The following PAICS variants were observed in gnomAD, a reference collection of about 807,000 sequenced individuals.
PAICS encodes phosphoribosylaminoimidazole carboxylase and phosphoribosylaminoimidazolesuccinocarboxamide synthase, also known as bifunctional phosphoribosylaminoimidazole carboxylase/phosphoribosylaminoimidazole succinocarboxamide synthetase.
Under a neutral mutation model 53.7 loss-of-function variants are expected in PAICS, and 33 were observed. The observed-to-expected ratio is 0.61, with a 90% CI of 0.47 to 0.82. PAICS has a LOEUF of 0.82. Among genes scored for constraint, PAICS ranks in the 40% least tolerant of loss-of-function variants. The pLI, the probability that PAICS is intolerant of heterozygous loss-of-function variation, is 0.00. For missense variants in PAICS, 394 were observed against 494.1 expected (o/e 0.80, Z 1.92); for synonymous variants, 141 against 167.2 (o/e 0.84, Z 1.21).
chr4:56,439,382 G>A (rs530664399), intron 1 of PAICS, among the ~76,000 whole-genome samples: 2 of 152,126 alleles, frequency 1.3e-5, no homozygotes, highest in East Asian at 3.9e-4. Flanking sequence ...GATTACAGGC[G>A]TGCACCAACA....
At position 56,461,647 on chromosome 4, in the gene PAICS, G is replaced by A. The variant is rs1353390459; in HGVS notation, c.*2109G>A. The A allele has an allele frequency of 6.6e-6, 1 of 151,754 alleles. No homozygotes were observed. The highest frequency in any genetic ancestry group is 1.5e-5 in the Non-Finnish European group (1 of 67,968). 9.4% of individuals were successfully genotyped at this position (151,754 alleles called of 1,614,324 possible). On this transcript the variant is annotated 3_prime_UTR_variant, in exon 9 of 9. Coordinates refer to ENST00000512576, the MANE Select transcript of PAICS (RefSeq NM_001079524.2). ...CAAGCTGCAGCCTCTCGAGTAGCTG[G>A]GTGCATGTGCTACCACACCCAATTA...
intron 6 of PAICS, 21 bp downstream of exon 6, chr4:56,450,723 CTG>C (rs1718864865): frequency 8.9e-7 from 1 of 1,118,720 alleles, no homozygotes; most frequent in South Asian, 1.3e-5. Context: ...TATAGTAAAA[CTG>C]TATGTATTAT....
chr4:56,423,478 T>A, the PAICS span: 1 of 152,032 alleles, frequency 6.6e-6, no homozygotes, highest in African/African-American at 2.4e-5. Flanking sequence ...AATAAAATTT[T>A]AAAAAATAAG....
intron 2 of PAICS, among the ~76,000 whole-genome samples, chr4:56,445,643 A>T (rs557647896): frequency 6.6e-6 from 1 of 152,326 alleles, no homozygotes; most frequent in Non-Finnish European, 1.5e-5. Context: ...ATGAGACAAC[A>T]TATATAAGAC....
the PAICS span, among the ~76,000 whole-genome samples, chr4:56,424,144 T>C: frequency 6.6e-6 from 1 of 152,220 alleles, no homozygotes. Context: ...AACTTTGATA[T>C]CTGGCCAAAA....
chr4:56,442,343 C>G (rs1180539665), intron 2 of PAICS, among the ~76,000 whole-genome samples: 2 of 152,112 alleles, frequency 1.3e-5, no homozygotes, highest in Admixed American at 1.3e-4. Flanking sequence ...CCTGCCATTC[C>G]CCAAGTGAGA....
Position 56,461,928 on chromosome 4 carries a change from A to G in PAICS, c.*2390A>G, listed in dbSNP as rs1424792619. ...TTGCTGTTAAGCTTTCTGAGATTTAACCACTGAAACTAAGTAAAAGACAAA... is the reference window on the plus strand; with the variant it reads ...TTGCTGTTAAGCTTTCTGAGATTTAGCCACTGAAACTAAGTAAAAGACAAA... On this transcript the variant is annotated 3_prime_UTR_variant, in exon 9 of 9. Coordinates refer to ENST00000512576, the MANE Select transcript of PAICS (RefSeq NM_001079524.2). The G allele has an allele frequency of 6.6e-6, 1 of 152,198 alleles. No homozygotes were observed. The highest frequency in any genetic ancestry group is 1.5e-5 in the Non-Finnish European group (1 of 68,036). 9.4% of individuals were successfully genotyped at this position (152,198 alleles called of 1,614,324 possible). A position where few individuals can be genotyped will look rare whatever the true frequency, so the allele number is the denominator to read the frequency against.
upstream of PAICS, among the ~76,000 whole-genome samples, chr4:56,433,099 A>G (rs1717688529): frequency 6.6e-6 from 1 of 151,844 alleles, no homozygotes; most frequent in Non-Finnish European, 1.5e-5. Flanking sequence ...TTTCCAAGAC[A>G]TAAGGGAGTG....
upstream of PAICS, among the ~76,000 whole-genome samples, chr4:56,432,325 C>G (rs1578139304): frequency 6.6e-6 from 1 of 151,954 alleles, no homozygotes; most frequent in African/African-American, 2.4e-5. Flanking sequence ...GCCAGGAGTT[C>G]AAGACCAGCC....
At chr4:56,425,124 G>T in the PAICS span, among the ~76,000 whole-genome samples, 2 of 152,052 alleles carry the variant, frequency 1.3e-5, no homozygotes, top group Non-Finnish European at 2.9e-5. Context: ...GCCAGCAGGG[G>T]GCATTAAGGA....
At chr4:56,451,369 GT>G (rs1164190874) in intron 6 of PAICS, among the ~76,000 whole-genome samples, 8 of 152,092 alleles carry the variant, frequency 5.3e-5, no homozygotes, top group Non-Finnish European at 8.8e-5. Flanking sequence ...ATTCCTTTAA[GT>G]TTTATGGTAT....
intron 6 of PAICS, 77 bp downstream of exon 6, chr4:56,450,779 T>C (rs1168239079): frequency 5.3e-6 from 4 of 752,532 alleles, no homozygotes; most frequent in Non-Finnish European, 9.3e-6. Context: ...GAAAAAAAAA[T>C]GGGAGAGTAT....
chr4:56,440,592 A>C (rs1560657520), intron 1 of PAICS, among the ~76,000 whole-genome samples: 2 of 152,142 alleles, frequency 1.3e-5, no homozygotes, highest in Non-Finnish European at 2.9e-5. Context: ...TTTATTCATC[A>C]ACACTACCTA....
rs1056749088 is a variant in PAICS at position 56,461,975 on chromosome 4, C to T, written c.*2437C>T. 6.6e-6 allele frequency: 1 copy of T among 152,186 alleles called. No individual in the cohort carries two copies. The highest frequency in any genetic ancestry group is 2.4e-5 in the African/African-American group (1 of 41,444). 9.4% of individuals were successfully genotyped at this position (152,186 alleles called of 1,614,324 possible). On this transcript the variant is annotated 3_prime_UTR_variant, in exon 9 of 9. Coordinates refer to ENST00000512576, the MANE Select transcript of PAICS (RefSeq NM_001079524.2). Reference sequence around the variant, plus strand: ...CAAAGCACTTAGGTAAAGCTTCATTCAGTATCCATTCACCCAATACTGGTT... The same window carrying T: ...CAAAGCACTTAGGTAAAGCTTCATTTAGTATCCATTCACCCAATACTGGTT...
At chr4:56,438,322 A>G (rs1718126959) in intron 1 of PAICS, among the ~76,000 whole-genome samples, 1 of 148,500 alleles carries the variant, frequency 6.7e-6, no homozygotes, top group South Asian at 2.1e-4. Flanking sequence ...TGTCTTCTAT[A>G]AGCCACATTT....
chr4:56,442,884 C>T (rs1040631083), intron 2 of PAICS, among the ~76,000 whole-genome samples: 6 of 152,102 alleles, frequency 3.9e-5, no homozygotes, highest in South Asian at 2.1e-4. Context: ...GCATTCTTGG[C>T]GTAGTTTTGT....
At position 56,459,810 on chromosome 4, in the gene PAICS, T is replaced by C. The variant is rs1203324965; in HGVS notation, c.*272T>C. On this transcript the variant is annotated 3_prime_UTR_variant, in exon 9 of 9. Coordinates refer to ENST00000512576, the MANE Select transcript of PAICS (RefSeq NM_001079524.2). ...TTGGTGGTCACTACTATTGAGTTTC[T>C]TCCTTAACACTGATTAAATGATCTT... 3.3e-6 allele frequency: 1 copy of C among 299,462 alleles called. No individual in the cohort carries two copies. The highest frequency in any genetic ancestry group is 6.1e-5 in the East Asian group (1 of 16,422). The allele number at this position is 299,462 out of a possible 1,614,324, so 18.6% of individuals were successfully genotyped here.
the PAICS span, chr4:56,420,114 C>T: frequency 2.1e-6 from 1 of 476,740 alleles, no homozygotes; most frequent in Non-Finnish European, 2.7e-6. Flanking sequence ...GATCCCTTTT[C>T]CAAAATGCCT....
intron 8 of PAICS, among the ~76,000 whole-genome samples, chr4:56,456,698 CCT>C (rs1022768420): frequency 8.7e-4 from 127 of 145,580 alleles, no homozygotes; most frequent in African/African-American, 2.9e-3. Flanking sequence ...GGAACCACTG[CCT>C]CTGGGGTTTT....
Sources: gnomAD v4.1 joint callset for allele counts (sites outside exome capture counted in the v4.1 genomes callset) on GRCh38, gnomAD v4.1.1 for gene constraint, MANE v1.5 for transcripts, NCBI Gene and HGNC (gene_info 2026-07-23, HGNC 2026-07-21) for gene names.